The following GRIK1 variants were observed in gnomAD, a reference collection of about 807,000 sequenced individuals.
GRIK1 encodes glutamate ionotropic receptor kainate type subunit 1, also known as glutamate receptor ionotropic, kainate 1.
In GRIK1, 69 loss-of-function variants were observed where a neutral mutation model predicts 105.7. That is an observed-to-expected ratio of 0.65 (90% CI 0.54 to 0.80). The LOEUF (loss-of-function observed/expected upper bound fraction) is 0.80, where lower values mean the gene tolerates loss of function less well. GRIK1 is among the 30% of genes least tolerant of loss of function. The probability of loss-of-function intolerance (pLI) is 0.00; values close to 1 mark genes in which losing one functional copy is unlikely to be tolerated. For synonymous variants in GRIK1, 438 were observed against 431.3 expected (o/e 1.02, Z -0.19); for missense variants, 1,109 against 1,167.3 (o/e 0.95, Z 0.73).
intron 6 of GRIK1, among the ~76,000 whole-genome samples, chr21:29,645,300 T>C (rs16984622): frequency 0.11 from 16,185 of 152,034 alleles, 933 homozygotes; most frequent in African/African-American, 0.15. Flanking sequence ...TTTCACCTCA[T>C]GACCATAGCC....
chr21:29,887,773 T>C (rs2069690041), intron 1 of GRIK1, among the ~76,000 whole-genome samples: 2 of 152,042 alleles, frequency 1.3e-5, no homozygotes, highest in South Asian at 4.1e-4. Flanking sequence ...CCAGAAATCA[T>C]ATCTATGTTC....
At chr21:29,629,210 G>A (rs973272280) in intron 7 of GRIK1, among the ~76,000 whole-genome samples, 16 of 144,988 alleles carry the variant, frequency 1.1e-4, no homozygotes, top group Non-Finnish European at 2.1e-4. Flanking sequence ...GTGTGTGTGT[G>A]TGTGTGTGTG....
intron 1 of GRIK1, among the ~76,000 whole-genome samples, chr21:29,848,779 A>ATATATTTTTTTTTT: frequency 2.8e-4 from 22 of 77,864 alleles, no homozygotes; most frequent in African/African-American, 1.2e-3. Flanking sequence ...ATATATATAT[A>ATATATTTTTTTTTT]TTTTTTTTTT....
chr21:29,718,164 T>G (rs902618491), intron 1 of GRIK1, among the ~76,000 whole-genome samples: 2 of 152,208 alleles, frequency 1.3e-5, no homozygotes, highest in African/African-American at 4.8e-5. Flanking sequence ...TTTTTATAAA[T>G]TACTCAGTCT....
intron 1 of GRIK1, among the ~76,000 whole-genome samples, chr21:29,938,367 A>G (rs1010202462): frequency 6.6e-6 from 1 of 152,182 alleles, no homozygotes; most frequent in Non-Finnish European, 1.5e-5. Context: ...TGTGACCGTG[A>G]CTCTAAGAAG....
chr21:29,571,365 GA>G (rs925782757), intron 14 of GRIK1, among the ~76,000 whole-genome samples: 67 of 147,844 alleles, frequency 4.5e-4, no homozygotes, highest in Admixed American at 1.7e-3. Context: ...AAAAAAAAAA[GA>G]AAAAAAAAAT....
intron 7 of GRIK1, 142 bp from the exon 8 acceptor site, chr21:29,599,079 A>G (rs1005845396): frequency 7.5e-6 from 4 of 533,576 alleles, no homozygotes; most frequent in African/African-American, 5.9e-5. Context: ...GCATTGGTTC[A>G]GCGACAAGAT....
intron 1 of GRIK1, among the ~76,000 whole-genome samples, chr21:29,897,275 A>G (rs2070205161): frequency 6.6e-6 from 1 of 152,214 alleles, no homozygotes; most frequent in East Asian, 1.9e-4. Flanking sequence ...GTGAATTTCA[A>G]GTTGAAATTA....
At chr21:29,744,155 C>T (rs2064995251) in intron 1 of GRIK1, among the ~76,000 whole-genome samples, 1 of 152,140 alleles carries the variant, frequency 6.6e-6, no homozygotes, top group South Asian at 2.1e-4. Context: ...ATGGATGAGC[C>T]AAGGGAGTTC....
chr21:29,560,290 TC>T (rs2090363682), intron 15 of GRIK1, among the ~76,000 whole-genome samples: 1 of 77,132 alleles, frequency 1.3e-5, no homozygotes, highest in Non-Finnish European at 2.5e-5. Context: ...TTTCTTTCTT[TC>T]TTTCTTTCTT....
chr21:29,893,656 G>A (rs755874247), intron 1 of GRIK1, among the ~76,000 whole-genome samples: 1 of 152,170 alleles, frequency 6.6e-6, no homozygotes, highest in South Asian at 2.1e-4. Flanking sequence ...CATTGCTTTT[G>A]GTTAGTACCG....
intron 1 of GRIK1, among the ~76,000 whole-genome samples, chr21:29,893,959 C>T (rs2070008035): frequency 6.6e-6 from 1 of 152,050 alleles, no homozygotes; most frequent in Non-Finnish European, 1.5e-5. Context: ...TGGGAGCCTG[C>T]AGAACAGAGA....
intron 4 of GRIK1, among the ~76,000 whole-genome samples, chr21:29,663,372 C>T (rs1014852177): frequency 1.3e-5 from 2 of 152,120 alleles, no homozygotes; most frequent in African/African-American, 4.8e-5. Context: ...TCCTGTCTAC[C>T]CGTGAGGGAG....
intron 1 of GRIK1, among the ~76,000 whole-genome samples, chr21:29,867,195 CCT>C (rs2068830571): frequency 6.6e-6 from 1 of 152,128 alleles, no homozygotes; most frequent in Admixed American, 6.5e-5. Flanking sequence ...ACTTAGCTTG[CCT>C]CTTAGTGTGG....
At chr21:29,662,708 G>A (rs1172170890) in intron 4 of GRIK1, among the ~76,000 whole-genome samples, 1 of 151,950 alleles carries the variant, frequency 6.6e-6, no homozygotes, top group Non-Finnish European at 1.5e-5. Flanking sequence ...CATGAGTCTG[G>A]GGCCTGATCT....
chr21:29,938,049 G>A (rs754860374), intron 1 of GRIK1, among the ~76,000 whole-genome samples: 100 of 152,144 alleles, frequency 6.6e-4, no homozygotes, highest in Non-Finnish European at 1.1e-3. Flanking sequence ...GCTCAAAGTA[G>A]CACATTTCTA....
intron 1 of GRIK1, among the ~76,000 whole-genome samples, chr21:29,732,849 G>A (rs79459547): frequency 0.01 from 1,535 of 152,252 alleles, 26 homozygotes; most frequent in African/African-American, 0.035. Flanking sequence ...GTGACTGTAA[G>A]CCTCAGAAGA....
At chr21:29,556,978 G>T (rs2090273555) in intron 15 of GRIK1, among the ~76,000 whole-genome samples, 1 of 152,154 alleles carries the variant, frequency 6.6e-6, no homozygotes, top group Non-Finnish European at 1.5e-5. Context: ...ATTCAGGTAG[G>T]TTTGGAAAAT....
intron 1 of GRIK1, among the ~76,000 whole-genome samples, chr21:29,825,537 C>G (rs1002518429): frequency 1.3e-5 from 2 of 151,974 alleles, no homozygotes; most frequent in African/African-American, 4.8e-5. Context: ...TATGTTAATA[C>G]TATGTAAATG....
Sources: allele counts gnomAD v4.1 joint callset (sites outside exome capture counted in the v4.1 genomes callset), GRCh38; gene constraint gnomAD v4.1.1; transcripts MANE v1.5; gene names NCBI Gene and HGNC (gene_info 2026-07-23, HGNC 2026-07-21).